The following KIAA1217 variants were observed in gnomAD, a reference collection of about 807,000 sequenced individuals.
KIAA1217 encodes sickle tail protein homolog.
Under a neutral mutation model 163.9 loss-of-function variants are expected in KIAA1217, and 88 were observed. The ratio of observed to expected loss-of-function variants is 0.54; its 90% CI spans 0.45 to 0.64. KIAA1217 has a LOEUF of 0.64. KIAA1217 is among the 30% of genes least tolerant of loss of function. The probability of loss-of-function intolerance (pLI) is 0.00; values close to 1 mark genes in which losing one functional copy is unlikely to be tolerated. For synonymous variants in KIAA1217, 903 were observed against 923.1 expected, an observed-to-expected ratio of 0.98 and a Z score of 0.39; for missense variants, 2,372 against 2,475.0, an observed-to-expected ratio of 0.96 and a Z score of 0.88.
At chr10:24,094,943 C>T (rs1203688668) in intron 2 of KIAA1217, among the ~76,000 whole-genome samples, 1 of 152,288 alleles carries the variant, frequency 6.6e-6, no homozygotes, top group Admixed American at 6.5e-5. Context: ...CAATGGTGGG[C>T]GCCCCTCCCC....
chr10:24,488,432 G>A (rs961401476), intron 6 of KIAA1217, among the ~76,000 whole-genome samples: 15 of 152,268 alleles, frequency 9.9e-5, no homozygotes, highest in Middle Eastern at 3.4e-3. Context: ...GAGACAGAAC[G>A]TAGCCAGTCT....
intron 2 of KIAA1217, among the ~76,000 whole-genome samples, chr10:24,318,266 GTAGA>G (rs202149528): frequency 0.011 from 1,711 of 152,228 alleles, 23 homozygotes; most frequent in Non-Finnish European, 0.019. Flanking sequence ...GAATAGGTAG[GTAGA>G]TAGATAGATA....
At chr10:23,915,769 C>T (rs185229246) in intron 1 of KIAA1217, among the ~76,000 whole-genome samples, 2 of 152,096 alleles carry the variant, frequency 1.3e-5, no homozygotes, top group African/African-American at 4.8e-5. Context: ...AAGGCAGGGC[C>T]GATGACCAGA....
chr10:24,234,040 A>G (rs1352229552), intron 2 of KIAA1217, among the ~76,000 whole-genome samples: 2 of 151,922 alleles, frequency 1.3e-5, no homozygotes, highest in Non-Finnish European at 2.9e-5. Context: ...CTTGATTTAC[A>G]TTTGTTTGCA....
intron 2 of KIAA1217, among the ~76,000 whole-genome samples, chr10:24,268,626 T>TC (rs1045493352): frequency 1.1e-5 from 1 of 93,696 alleles, no homozygotes; most frequent in African/African-American, 4.8e-5. Context: ...GTAAACTAGT[T>TC]CAACCATTGT....
chr10:24,445,415 G>A (rs988126327), intron 5 of KIAA1217, among the ~76,000 whole-genome samples: 5 of 151,748 alleles, frequency 3.3e-5, no homozygotes, highest in Non-Finnish European at 5.9e-5. Context: ...AAGTTTTAGG[G>A]TACATGTGCA....
intron 2 of KIAA1217, among the ~76,000 whole-genome samples, chr10:24,231,251 C>A (rs1425711410): frequency 6.6e-6 from 1 of 152,138 alleles, no homozygotes; most frequent in Non-Finnish European, 1.5e-5. Flanking sequence ...GTCAAGGCTG[C>A]TGTGAGCTGA....
At chr10:24,159,606 C>A (rs960034095) in intron 2 of KIAA1217, among the ~76,000 whole-genome samples, 1 of 102,270 alleles carries the variant, frequency 9.8e-6, no homozygotes, top group African/African-American at 3.8e-5. Flanking sequence ...GGTGAAACCC[C>A]GTCTCAAAAA....
At chr10:24,227,743 A>G (rs2070789130) in intron 2 of KIAA1217, among the ~76,000 whole-genome samples, 1 of 151,664 alleles carries the variant, frequency 6.6e-6, no homozygotes, top group South Asian at 2.1e-4. Context: ...CGTGTTAGTC[A>G]GGATGGTCTC....
At chr10:23,845,757 T>C (rs556049573) in intron 1 of KIAA1217, among the ~76,000 whole-genome samples, 23 of 152,352 alleles carry the variant, frequency 1.5e-4, no homozygotes, top group African/African-American at 5.1e-4. Flanking sequence ...TTGTCAATTT[T>C]GCCTTTTGTT....
intron 10 of KIAA1217, among the ~76,000 whole-genome samples, chr10:24,518,567 A>G (rs966013646): frequency 6.6e-6 from 1 of 152,234 alleles, no homozygotes; most frequent in Admixed American, 6.5e-5. Context: ...TCACGGAACC[A>G]GGAAAATATT....
intron 17 of KIAA1217, among the ~76,000 whole-genome samples, chr10:24,538,974 C>T (rs761054527): frequency 3.4e-4 from 51 of 151,840 alleles, no homozygotes; most frequent in Non-Finnish European, 5.4e-4. Context: ...CCTCGTGATC[C>T]ACCCGCCTCA....
At chr10:24,063,964 A>T (rs10828595) in intron 2 of KIAA1217, among the ~76,000 whole-genome samples, 13,700 of 152,106 alleles carry the variant, frequency 0.09, 1,216 homozygotes, top group African/African-American at 0.23. Context: ...GTGTATAAGA[A>T]TGCTTGTGAT....
At chr10:23,918,468 C>T (rs1022337618) in intron 1 of KIAA1217, among the ~76,000 whole-genome samples, 3 of 152,042 alleles carry the variant, frequency 2.0e-5, no homozygotes, top group African/African-American at 4.8e-5. Context: ...TGTGTTTAGC[C>T]GTGATAACCT....
chr10:24,462,226 A>T (rs963811647), intron 5 of KIAA1217, among the ~76,000 whole-genome samples: 3 of 151,928 alleles, frequency 2.0e-5, no homozygotes, highest in Non-Finnish European at 4.4e-5. Context: ...TAACTTACTC[A>T]TTTTGAGGCA....
At chr10:24,272,283 A>C (rs2076847350) in intron 2 of KIAA1217, among the ~76,000 whole-genome samples, 1 of 152,220 alleles carries the variant, frequency 6.6e-6, no homozygotes, top group Non-Finnish European at 1.5e-5. Flanking sequence ...CTGGACTAGT[A>C]GCTAGGAGTG....
intron 1 of KIAA1217, among the ~76,000 whole-genome samples, chr10:23,984,652 C>G (rs1414592596): frequency 3.9e-5 from 6 of 152,066 alleles, no homozygotes; most frequent in Admixed American, 2.0e-4. Context: ...TCTCAGCAAA[C>G]TAACCCAGGA....
intron 1 of KIAA1217, among the ~76,000 whole-genome samples, chr10:23,919,655 T>C (rs1192187145): frequency 6.7e-6 from 1 of 150,156 alleles, no homozygotes; most frequent in African/African-American, 2.4e-5. Context: ...CATTTACTCA[T>C]TCATTCATTC....
intron 1 of KIAA1217, among the ~76,000 whole-genome samples, chr10:23,870,673 A>T (rs1840417072): frequency 6.6e-6 from 1 of 152,148 alleles, no homozygotes; most frequent in Non-Finnish European, 1.5e-5. Context: ...TAATATTAAT[A>T]TCTGCATTTC....
Sources: allele counts gnomAD v4.1 joint callset (sites outside exome capture counted in the v4.1 genomes callset), GRCh38; gene constraint gnomAD v4.1.1; transcripts MANE v1.5; gene names NCBI Gene and HGNC (gene_info 2026-07-23, HGNC 2026-07-21).